The following ELAPOR2 variants were observed in gnomAD, a reference collection of about 807,000 sequenced individuals.
ELAPOR2 encodes the protein endosome-lysosome associated apoptosis and autophagy regulator family member 2.
ELAPOR2 carries 89 observed loss-of-function variants against 120.7 expected under a neutral mutation model. The observed-to-expected ratio is 0.74, with a 90% CI of 0.62 to 0.88. ELAPOR2 has a LOEUF of 0.88. Among genes scored for constraint, ELAPOR2 ranks in the 40% least tolerant of loss-of-function variants. ELAPOR2 has a pLI of 0.00. For synonymous variants in ELAPOR2, 444 were observed against 444.9 expected, an observed-to-expected ratio of 1.00 and a Z score of 0.03; for missense variants, 1,134 against 1,251.6, an observed-to-expected ratio of 0.91 and a Z score of 1.42.
intron 1 of ELAPOR2, among the ~76,000 whole-genome samples, chr7:87,012,174 G>C (rs1793707476): frequency 6.6e-6 from 1 of 152,182 alleles, no homozygotes; most frequent in African/African-American, 2.4e-5. Context: ...CACTTCGGGA[G>C]GCCAAGGTGG....
chr7:86,933,019 A>G (rs2116281491), intron 8 of ELAPOR2, among the ~76,000 whole-genome samples: 1 of 151,938 alleles, frequency 6.6e-6, no homozygotes, highest in Non-Finnish European at 1.5e-5. Flanking sequence ...TTTAAATAAA[A>G]TGTTGAAAAT....
intron 1 of ELAPOR2, among the ~76,000 whole-genome samples, chr7:87,035,316 G>GGA (rs1794553662): frequency 6.6e-6 from 1 of 152,150 alleles, no homozygotes; most frequent in African/African-American, 2.4e-5. Flanking sequence ...GCAATTTTCA[G>GGA]AGTATAAAGA....
At chr7:86,950,569 G>A (rs1401984742) in intron 2 of ELAPOR2, among the ~76,000 whole-genome samples, 1 of 152,204 alleles carries the variant, frequency 6.6e-6, no homozygotes, top group East Asian at 1.9e-4. Context: ...TTCAGCTGCA[G>A]CCTCACAGGG....
intron 3 of ELAPOR2, among the ~76,000 whole-genome samples, chr7:86,946,462 C>G (rs1791013183): frequency 6.6e-6 from 1 of 152,216 alleles, no homozygotes; most frequent in Admixed American, 6.5e-5. Flanking sequence ...TCTCAGCTCA[C>G]CGCAACCTCT....
At chr7:86,887,198 T>C (rs1003021231) in intron 21 of ELAPOR2, among the ~76,000 whole-genome samples, 11 of 152,086 alleles carry the variant, frequency 7.2e-5, no homozygotes, top group Non-Finnish European at 1.3e-4. Flanking sequence ...TAAGGATCCT[T>C]CTTATGAAAG....
At chr7:86,890,745 C>A (rs1788109316) in intron 21 of ELAPOR2, among the ~76,000 whole-genome samples, 1 of 151,918 alleles carries the variant, frequency 6.6e-6, no homozygotes, top group Admixed American at 6.6e-5. Flanking sequence ...GGCAATAGTA[C>A]CCTCCTTACA....
At chr7:86,989,786 A>T (rs1562958275) in intron 1 of ELAPOR2, among the ~76,000 whole-genome samples, 3 of 151,728 alleles carry the variant, frequency 2.0e-5, no homozygotes, top group Admixed American at 6.6e-5. Context: ...AAAGATACAA[A>T]TTTTTTTATT....
Position 86,947,781 on chromosome 7 carries a change from G to A in ELAPOR2, c.452C>T (p.Thr151Ile), listed in dbSNP as rs1161814397. The A allele has an allele frequency of 1.3e-6, 2 of 1,551,604 alleles. No individual in the cohort carries two copies. The highest frequency in any genetic ancestry group is 1.7e-6 in the Non-Finnish European group (2 of 1,147,006). ...ELPAGFSNIATFMDTVVGPSD... is the reference protein window; with the variant it reads ...ELPAGFSNIAIFMDTVVGPSD... ...AGGGCCCACCACAGTGTCCATGAAT[G>A]TTGCGATGTTAGAAAATCCTGCCGG... The change falls in exon 3 of 22, where the codon ACA becomes ATA. Residue 151 changes from threonine (T) to isoleucine (I), a missense_variant. Physicochemically the swap from Thr to Ile is moderately conservative, Grantham distance 89. Coordinates refer to ENST00000450689, the MANE Select transcript of ELAPOR2 (RefSeq NM_001142749.3).
intron 1 of ELAPOR2, among the ~76,000 whole-genome samples, chr7:86,979,244 C>T (rs1034535975): frequency 3.9e-5 from 6 of 152,132 alleles, no homozygotes; most frequent in South Asian, 4.1e-4. Flanking sequence ...GCCAACTCCC[C>T]GAGAAAAGAC....
At chr7:86,916,046 T>G (rs1789555914) in intron 12 of ELAPOR2, among the ~76,000 whole-genome samples, 1 of 152,142 alleles carries the variant, frequency 6.6e-6, no homozygotes, top group Non-Finnish European at 1.5e-5. Context: ...TATTATTTGG[T>G]TTGAGATCTC....
chr7:86,934,352 A>G (rs1212191067), intron 8 of ELAPOR2, among the ~76,000 whole-genome samples: 1 of 152,140 alleles, frequency 6.6e-6, no homozygotes, highest in East Asian at 1.9e-4. Flanking sequence ...AGAATGCCTT[A>G]CTGTATACAT....
intron 1 of ELAPOR2, among the ~76,000 whole-genome samples, chr7:87,039,812 TGAGCGACGCA>T (rs1794705789): frequency 6.6e-6 from 1 of 152,044 alleles, no homozygotes; most frequent in African/African-American, 2.4e-5. Flanking sequence ...GCTCCCAGCG[TGAGCGACGCA>T]GAAGACGGGT....
intron 15 of ELAPOR2, among the ~76,000 whole-genome samples, chr7:86,910,654 T>C (rs892289909): frequency 2.6e-5 from 4 of 152,116 alleles, no homozygotes; most frequent in Non-Finnish European, 5.9e-5. Flanking sequence ...AGATATAACT[T>C]ATAAAAAATG....
chr7:87,022,236 C>T, intron 1 of ELAPOR2, among the ~76,000 whole-genome samples: 1 of 118,216 alleles, frequency 8.5e-6, no homozygotes, highest in Non-Finnish European at 1.7e-5. Context: ...CCCCTCCCCC[C>T]ACCCCACAAC....
intron 1 of ELAPOR2, among the ~76,000 whole-genome samples, chr7:87,036,504 T>G (rs1374262146): frequency 6.6e-6 from 1 of 152,062 alleles, no homozygotes; most frequent in Non-Finnish European, 1.5e-5. Context: ...GCTGAACTAT[T>G]CACAATAGCA....
At chr7:86,961,095 T>C (rs1342761846) in intron 2 of ELAPOR2, among the ~76,000 whole-genome samples, 2 of 152,176 alleles carry the variant, frequency 1.3e-5, no homozygotes, top group Admixed American at 1.3e-4. Flanking sequence ...ACAGACATTA[T>C]ACATACATAT....
At chr7:87,012,877 A>G (rs563915145) in intron 1 of ELAPOR2, among the ~76,000 whole-genome samples, 1 of 152,344 alleles carries the variant, frequency 6.6e-6, no homozygotes, top group East Asian at 1.9e-4. Context: ...CCAGCAAAGC[A>G]CTATTCTAAA....
intron 1 of ELAPOR2, among the ~76,000 whole-genome samples, chr7:87,037,700 G>T (rs78672496): frequency 6.6e-6 from 1 of 152,116 alleles, no homozygotes. Flanking sequence ...AGCTTGCCTC[G>T]CAAGACCTTC....
At chr7:86,895,352 A>G (rs1788389851) in intron 19 of ELAPOR2, among the ~76,000 whole-genome samples, 1 of 152,124 alleles carries the variant, frequency 6.6e-6, no homozygotes, top group Non-Finnish European at 1.5e-5. Flanking sequence ...GCAATGGAAT[A>G]CATTAAGTAA....
Sources: allele counts gnomAD v4.1 joint callset (sites outside exome capture counted in the v4.1 genomes callset), GRCh38; gene constraint gnomAD v4.1.1; transcripts MANE v1.5; gene names NCBI Gene and HGNC (gene_info 2026-07-23, HGNC 2026-07-21).